Variants in POSTN observed in about 807,000 individuals in gnomAD.
The protein encoded by POSTN is periostin.
A neutral mutation model predicts 104.5 loss-of-function variants in POSTN; 71 were observed. The ratio of observed to expected loss-of-function variants is 0.68; its 90% confidence interval spans 0.56 to 0.83. POSTN has a LOEUF of 0.83. Ranked by LOEUF, POSTN falls within the 40% of genes least tolerant of loss-of-function variation. POSTN has a pLI of 0.00. For synonymous variants in POSTN, 355 were observed against 340.7 expected (o/e 1.04, Z -0.46); for missense variants, 949 against 1,006.8 (o/e 0.94, Z 0.78).
chr13:37,565,144 C>G (rs1028270473), intron 21 of POSTN: 1 of 151,994 alleles, frequency 6.6e-6, no homozygotes, highest in African/African-American at 2.4e-5. Flanking sequence ...CAACCTGATT[C>G]AGTGTCAATC....
intron 14 of POSTN, 35 bp downstream of exon 14, chr13:37,578,984 G>T (rs776486421): frequency 2.5e-6 from 4 of 1,602,480 alleles, no homozygotes; most frequent in Admixed American, 1.8e-5. Context: ...ATTAAAAAAA[G>T]ACTTAGCCTA....
chr13:37,583,937 A>G (rs1330411182), intron 9 of POSTN, 32 bp downstream of exon 9: 1 of 1,585,514 alleles, frequency 6.3e-7, no homozygotes, highest in South Asian at 1.1e-5. Context: ...GTGTGTAGGC[A>G]GAGAGCAGGA....
chr13:37,580,024 G>A (rs73182687), intron 11 of POSTN, 33 bp from the exon 12 acceptor site: 190,573 of 1,595,078 alleles, frequency 0.12, 12,733 homozygotes, highest in Middle Eastern at 0.18. Context: ...TATTTTGTCA[G>A]ATTTAGATTT....
intron 2 of POSTN, among the ~76,000 whole-genome samples, chr13:37,594,705 G>A (rs1951036611): frequency 6.6e-6 from 1 of 152,086 alleles, no homozygotes; most frequent in East Asian, 1.9e-4. Flanking sequence ...ACCCTAGGAA[G>A]CTTCACGTTT....
intron 2 of POSTN, among the ~76,000 whole-genome samples, chr13:37,594,062 T>G: frequency 6.6e-6 from 1 of 152,044 alleles, no homozygotes; most frequent in Admixed American, 6.5e-5. Context: ...ATAAAAGGTA[T>G]ATAGGAGCCT....
At chr13:37,575,249 C>G (rs780362966) in intron 16 of POSTN, among the ~76,000 whole-genome samples, 4 of 150,338 alleles carry the variant, frequency 2.7e-5, no homozygotes, top group Non-Finnish European at 5.9e-5. Context: ...GCTAAAATGT[C>G]TTTAATTTTC....
At chr13:37,575,966 T>C (rs1338857957) in intron 16 of POSTN, among the ~76,000 whole-genome samples, 5 of 152,184 alleles carry the variant, frequency 3.3e-5, no homozygotes, top group Non-Finnish European at 5.9e-5. Flanking sequence ...TAATTCCTTT[T>C]AGCTTACATT....
chr13:37,580,554 G>T lies in POSTN; in HGVS notation c.1529+7C>A. On this transcript the variant is annotated splice_region_variant and intron_variant, in intron 11 of 22. Transcript: ENST00000379747. ...ATTCTCTGTGGAGGTGCCACTAATA[G>T]GCTTACCTAAAGCGCTTATCTTGTT... 2.5e-6 allele frequency: 4 copies of T among 1,613,884 alleles called. No homozygotes were observed. The highest frequency in any genetic ancestry group is 3.4e-6 in the Non-Finnish European group (4 of 1,179,884).
intron 22 of POSTN, 66 bp from the exon 23 acceptor site, chr13:37,563,436 A>G: frequency 1.8e-6 from 2 of 1,097,060 alleles, no homozygotes. Flanking sequence ...TTAAGAATAT[A>G]TTATTCTCTG....
At chr13:37,569,977 T>C (rs4628831) in intron 19 of POSTN, among the ~76,000 whole-genome samples, 156 bp from the exon 20 acceptor site, 13,399 of 151,980 alleles carry the variant, frequency 0.088, 822 homozygotes, top group South Asian at 0.17. Flanking sequence ...TTAGGTATTA[T>C]ATAAATGGAT....
chr13:37,576,887 T>C (rs1183817477), intron 16 of POSTN, among the ~76,000 whole-genome samples: 2 of 152,078 alleles, frequency 1.3e-5, no homozygotes, highest in East Asian at 1.9e-4. Flanking sequence ...ATATCTAGTA[T>C]AAATCTTAAG....
chr13:37,564,227 T>TATATATATATA, intron 22 of POSTN, among the ~76,000 whole-genome samples: 1 of 127,780 alleles, frequency 7.8e-6, no homozygotes, highest in South Asian at 2.5e-4. Flanking sequence ...TATATATATA[T>TATATATATATA]ATGTATGGAG....
In POSTN at chr13:37,579,257, G is replaced by A; in HGVS notation, c.1763C>T (p.Thr588Ile). 6.2e-7 allele frequency: 1 copy of A among 1,610,984 alleles called. No individual in the cohort carries two copies. Among genetic ancestry groups the A allele is most frequent in the Non-Finnish European group, 8.5e-7 (1 of 1,177,368 alleles). ...EPGVTNILKT[T>I]QGSKIFLKEV... Reference sequence around the variant, plus strand: ...TTTCAGAAAGATTTTGCTTCCTTGTGTGGTCTTTAAAATGTTAGTAACACC... The same window carrying A: ...TTTCAGAAAGATTTTGCTTCCTTGTATGGTCTTTAAAATGTTAGTAACACC... Residue 588 changes from threonine to isoleucine, a missense_variant, in exon 13 of 23, where the codon ACA (threonine) becomes ATA (isoleucine). Physicochemically the swap from Thr to Ile is moderately conservative, Grantham distance 89. Coordinates refer to ENST00000379747, the MANE Select transcript of POSTN (RefSeq NM_006475.3).
intron 12 of POSTN, 130 bp downstream of exon 12, chr13:37,579,731 A>G (rs1950522936): frequency 9.5e-7 from 1 of 1,057,014 alleles, no homozygotes; most frequent in Non-Finnish European, 1.3e-6. Flanking sequence ...ACGAAATAAA[A>G]GGAAACTAAA....
intron 3 of POSTN, among the ~76,000 whole-genome samples, chr13:37,591,741 A>G (rs965064543): frequency 1.1e-4 from 17 of 152,182 alleles, no homozygotes; most frequent in Admixed American, 5.2e-4. Flanking sequence ...TATAAAGAAT[A>G]TTATAAAATC....
intron 2 of POSTN, among the ~76,000 whole-genome samples, chr13:37,595,811 CTTTT>C (rs5802886): frequency 1.5e-5 from 2 of 137,586 alleles, no homozygotes; most frequent in Admixed American, 7.4e-5. Flanking sequence ...TATTTAGTAT[CTTTT>C]TTTTTTTTTT....
intron 8 of POSTN, 143 bp from the exon 9 acceptor site, chr13:37,584,246 C>A: frequency 9.7e-7 from 1 of 1,027,192 alleles, no homozygotes; most frequent in South Asian, 1.7e-5. Context: ...CCTCCTCCTC[C>A]CTAATAAGAG....
rs1280552350 is a variant in POSTN at position 37,584,707 on chromosome 13, G to A, written c.1108+9C>T. ...AAAAACAAAAACAAAAACAAAAAAA[G>A]TTGCTTACCAGAATCAGGAATTAGG... On this transcript the variant is annotated intron_variant, in intron 8 of 22. Coordinates refer to ENST00000379747, the MANE Select transcript of POSTN (RefSeq NM_006475.3). The A allele has an allele frequency of 6.2e-7, 1 of 1,606,364 alleles. No homozygotes were observed. The highest frequency in any genetic ancestry group is 8.5e-7 in the Non-Finnish European group (1 of 1,175,032).
chr13:37,586,744 G>T (rs1293818370), intron 6 of POSTN, 38 bp downstream of exon 6: 1 of 1,553,734 alleles, frequency 6.4e-7, no homozygotes, highest in South Asian at 1.2e-5. Context: ...GAAGAAGAGG[G>T]ATTTCAATGA....
Sources: gnomAD v4.1 joint callset for allele counts (sites outside exome capture counted in the v4.1 genomes callset) on GRCh38, gnomAD v4.1.1 for gene constraint, MANE v1.5 for transcripts, NCBI Gene and HGNC (gene_info 2026-07-23, HGNC 2026-07-21) for gene names.